TPTE2: variants seen among roughly 807,000 people sequenced by gnomAD.
TPTE2 encodes transmembrane phosphoinositide 3-phosphatase and tensin homolog 2.
A neutral mutation model predicts 78.6 loss-of-function variants in TPTE2; 53 were observed. The observed-to-expected ratio is 0.67, with a 90% confidence interval of 0.54 to 0.85. The LOEUF is 0.85. Among genes scored for constraint, TPTE2 ranks in the 40% least tolerant of loss-of-function variants. TPTE2 has a pLI of 0.00. For missense variants in TPTE2, 461 were observed against 623.0 expected (o/e 0.74, Z 2.77); for synonymous variants, 175 against 206.2 (o/e 0.85, Z 1.30).
At chr13:19,433,246 G>A (rs952926912) in intron 15 of TPTE2, among the ~76,000 whole-genome samples, 2 of 152,138 alleles carry the variant, frequency 1.3e-5, no homozygotes, top group African/African-American at 4.8e-5. Flanking sequence ...GCTCCCGCCT[G>A]TAATCCCAGC....
At chr13:19,437,254 G>C (rs1289547836) in intron 14 of TPTE2, among the ~76,000 whole-genome samples, 1 of 152,094 alleles carries the variant, frequency 6.6e-6, no homozygotes, top group East Asian at 1.9e-4. Context: ...AGAAACCAAA[G>C]GTGGTGGAAT....
chr13:19,550,006 G>A, the TPTE2 span, among the ~76,000 whole-genome samples: 1 of 107,300 alleles, frequency 9.3e-6, no homozygotes, highest in Non-Finnish European at 2.2e-5. Flanking sequence ...ATTCGAGGGG[G>A]GAGGGTGGGA....
intron 1 of TPTE2, among the ~76,000 whole-genome samples, chr13:19,524,488 T>G (rs1426033177): frequency 6.6e-6 from 1 of 152,112 alleles, no homozygotes; most frequent in East Asian, 1.9e-4. Context: ...AAGTTAAAGT[T>G]TATACAAATA....
intron 1 of TPTE2, 179 bp from the exon 5 acceptor site, chr13:19,493,680 C>T (rs191266679): frequency 6.4e-5 from 43 of 673,912 alleles, no homozygotes; most frequent in Middle Eastern, 4.0e-4. Flanking sequence ...ATGTATATGA[C>T]GACAACCAAA....
intron 6 of TPTE2, among the ~76,000 whole-genome samples, chr13:19,469,353 C>G (rs1461103368): frequency 2.6e-5 from 4 of 152,048 alleles, no homozygotes; most frequent in Admixed American, 1.3e-4. Context: ...GGATTTGTTT[C>G]TGGGTTCTCT....
At chr13:19,501,958 AT>A (rs1566068066) in intron 1 of TPTE2, among the ~76,000 whole-genome samples, 1 of 150,846 alleles carries the variant, frequency 6.6e-6, no homozygotes, top group Admixed American at 6.6e-5. Flanking sequence ...CAAGAAAAAA[AT>A]AAACAACCCC....
At chr13:19,494,019 C>T (rs1457987652) in intron 1 of TPTE2, among the ~76,000 whole-genome samples, 3 of 152,266 alleles carry the variant, frequency 2.0e-5, no homozygotes, top group Non-Finnish European at 4.4e-5. Flanking sequence ...AGAACACCTC[C>T]AAGGCTCTTA....
At chr13:19,555,894 C>A in the TPTE2 span, among the ~76,000 whole-genome samples, 1 of 147,148 alleles carries the variant, frequency 6.8e-6, no homozygotes, top group South Asian at 2.2e-4. Flanking sequence ...CTCACTGCAA[C>A]CTCCGCCTCC....
chr13:19,427,067 TTC>T (rs1555246568), intron 17 of TPTE2, among the ~76,000 whole-genome samples: 2 of 134,738 alleles, frequency 1.5e-5, no homozygotes, highest in Non-Finnish European at 1.5e-5. Flanking sequence ...TTCTTTTTTT[TTC>T]TTTTCTTTTC....
chr13:19,550,226 ATAAAT>A, the TPTE2 span, among the ~76,000 whole-genome samples: 1 of 152,282 alleles, frequency 6.6e-6, no homozygotes, highest in East Asian at 1.9e-4. Flanking sequence ...AAAAGAAGAC[ATAAAT>A]TAAAAAGTGA....
intron 7 of TPTE2, 113 bp from the exon 11 acceptor site, chr13:19,465,677 A>G (rs1439321874): frequency 2.2e-5 from 18 of 825,552 alleles, no homozygotes; most frequent in East Asian, 1.1e-4. Flanking sequence ...CCTCTCCCCA[A>G]TTACCTACCT....
At chr13:19,558,397 G>A in the TPTE2 span, among the ~76,000 whole-genome samples, 1 of 152,136 alleles carries the variant, frequency 6.6e-6, no homozygotes, top group African/African-American at 2.4e-5. Flanking sequence ...CTTTGATATG[G>A]TGGAAACATA....
At chr13:19,509,394 C>T (rs190163026) in intron 1 of TPTE2, among the ~76,000 whole-genome samples, 33 of 152,156 alleles carry the variant, frequency 2.2e-4, no homozygotes, top group African/African-American at 7.7e-4. Flanking sequence ...TAATCAAGAA[C>T]AAACAGAGTG....
chr13:19,483,922 TC>T (rs71198908), intron 3 of TPTE2, among the ~76,000 whole-genome samples: 1 of 120,498 alleles, frequency 8.3e-6, no homozygotes, highest in Admixed American at 8.8e-5. Flanking sequence ...ATGCTATCCC[TC>T]CCCCCTCCCC....
intron 1 of TPTE2, among the ~76,000 whole-genome samples, chr13:19,518,758 C>A (rs1869960165): frequency 6.6e-6 from 1 of 152,150 alleles, no homozygotes; most frequent in Non-Finnish European, 1.5e-5. Context: ...GTCATCACTC[C>A]CATCTTCACA....
At chr13:19,427,859 T>C (rs948107689) in intron 17 of TPTE2, among the ~76,000 whole-genome samples, 1 of 152,222 alleles carries the variant, frequency 6.6e-6, no homozygotes, top group African/African-American at 2.4e-5. Flanking sequence ...GAAAGGTCTA[T>C]GCTAGGCCCT....
At chr13:19,511,092 GC>G (rs769016412) in intron 1 of TPTE2, among the ~76,000 whole-genome samples, 3 of 152,164 alleles carry the variant, frequency 2.0e-5, no homozygotes, top group Non-Finnish European at 4.4e-5. Flanking sequence ...CAGTCTCATG[GC>G]CCATCAAGTC....
intron 10 of TPTE2, among the ~76,000 whole-genome samples, chr13:19,459,855 C>T (rs889232593): frequency 3.9e-5 from 6 of 152,288 alleles, no homozygotes; most frequent in African/African-American, 1.4e-4. Flanking sequence ...GCTGGAGTGG[C>T]TGAGTCTATG....
chr13:19,446,713 G>T (rs1291528213), intron 13 of TPTE2, among the ~76,000 whole-genome samples: 1 of 152,162 alleles, frequency 6.6e-6, no homozygotes, highest in Non-Finnish European at 1.5e-5. Flanking sequence ...AGCTGAGGTG[G>T]GTGGATCACT....
Sources: allele counts gnomAD v4.1 joint callset (sites outside exome capture counted in the v4.1 genomes callset), GRCh38; gene constraint gnomAD v4.1.1; transcripts MANE v1.5; gene names NCBI Gene and HGNC (gene_info 2026-07-23, HGNC 2026-07-21).